CEMIP2: variants seen among roughly 807,000 people sequenced by gnomAD.
The protein encoded by CEMIP2 is cell migration inducing hyaluronidase 2, also known as cell surface hyaluronidase CEMIP2.
In CEMIP2, 79 loss-of-function variants were observed where a neutral mutation model predicts 146.9. That is an observed-to-expected ratio of 0.54 (90% CI 0.45 to 0.65). The LOEUF (loss-of-function observed/expected upper bound fraction) is 0.65. CEMIP2 is among the 30% of genes least tolerant of loss of function. CEMIP2 has a pLI of 0.00. For synonymous variants in CEMIP2, 601 were observed against 606.3 expected (o/e 0.99, Z 0.13); for missense variants, 1,596 against 1,696.2 (o/e 0.94, Z 1.04).
At chr9:71,697,901 T>C (rs1003712827) in intron 20 of CEMIP2, 84 bp downstream of exon 20, 2 of 1,358,880 alleles carry the variant, frequency 1.5e-6, no homozygotes, top group African/African-American at 1.4e-5. Context: ...GCAATATAGA[T>C]GTTTCAAAGA....
chr9:71,758,683 C>A (rs1266335646), intron 1 of CEMIP2, among the ~76,000 whole-genome samples: 1 of 152,162 alleles, frequency 6.6e-6, no homozygotes, highest in Non-Finnish European at 1.5e-5. Context: ...CAAGAGAAAG[C>A]CTGGCTGCAT....
intron 1 of CEMIP2, among the ~76,000 whole-genome samples, chr9:71,757,500 A>G (rs1037358435): frequency 4.0e-4 from 61 of 152,248 alleles, no homozygotes; most frequent in African/African-American, 1.3e-3. Context: ...AAGATCTAAC[A>G]CATTCACTAG....
chr9:71,739,727 C>G (rs753103719), intron 5 of CEMIP2, among the ~76,000 whole-genome samples: 8 of 152,120 alleles, frequency 5.3e-5, no homozygotes, highest in African/African-American at 1.9e-4. Flanking sequence ...TTGAATGCAG[C>G]CCAACACAAA....
intron 1 of CEMIP2, among the ~76,000 whole-genome samples, chr9:71,764,791 C>G (rs1824738635): frequency 6.7e-6 from 1 of 149,798 alleles, no homozygotes; most frequent in Admixed American, 6.7e-5. Context: ...TTCGCCTAGA[C>G]AGCAGCTGCT....
In CEMIP2 at chr9:71,728,164, G is replaced by A. The variant is rs548516720; in HGVS notation, c.2049+1681C>T. 3.8e-4 allele frequency among the ~76,000 whole-genome samples: 54 copies of A among 143,536 alleles called. 4 individuals are homozygous for A. In the South Asian group the frequency reaches 0.011, roughly 30 times the overall value. 94.2% of individuals were successfully genotyped at this position (143,536 alleles called of 152,430 possible). On this transcript the variant is annotated intron_variant, in intron 10 of 23. Coordinates refer to ENST00000377044, the MANE Select transcript of CEMIP2 (RefSeq NM_013390.3). ...GTGGATAGCTTGAGCCCAGGAGTTC[G>A]AGATCTGTCTGGTCAACACAGCGAA...
chr9:71,710,144 G>A lies in CEMIP2; in HGVS notation c.2770-670C>T, dbSNP rs376563014. Among the ~76,000 whole-genome samples the A allele has an allele frequency of 6.6e-5, 10 of 152,248 alleles. 1 individual carries two copies. Among genetic ancestry groups the A allele is most frequent in the East Asian group, 3.9e-4 (2 of 5,190 alleles). Reference sequence around the variant, plus strand: ...CGCTCCTCAATACAGACCAAACTCAGCTCAACAATTTTCACATCCAGTAGA... The same window carrying A: ...CGCTCCTCAATACAGACCAAACTCAACTCAACAATTTTCACATCCAGTAGA... On this transcript the variant is annotated intron_variant, in intron 16 of 23. Coordinates refer to ENST00000377044, the MANE Select transcript of CEMIP2 (RefSeq NM_013390.3).
chr9:71,700,768 G>T lies in CEMIP2; in HGVS notation c.3251C>A (p.Thr1084Asn). 1 of 1,614,016 alleles carries T rather than the reference G, an allele frequency of 6.2e-7. No homozygotes were observed. The highest frequency in any genetic ancestry group is 1.7e-5 in the Admixed American group (1 of 59,966). The change falls in exon 19 of 24, where the codon ACC becomes AAC. Residue 1084 changes from threonine to asparagine, a missense_variant. Thr to Asn is a moderately conservative substitution (Grantham distance 65). Coordinates refer to ENST00000377044, the MANE Select transcript of CEMIP2 (RefSeq NM_013390.3). ...ATTCTGCCGCTGCAAATAGCCAAAG[G>T]TAACTTGAAAACTTGTGTTTGATGG... is the stretch of plus-strand genomic sequence containing the variant. ...CYPSNTSFQVTFGYLQRQNGS... is the reference protein window; with the variant it reads ...CYPSNTSFQVNFGYLQRQNGS...
chr9:71,694,917 C>T (rs1351839100), intron 20 of CEMIP2, among the ~76,000 whole-genome samples: 1 of 152,116 alleles, frequency 6.6e-6, no homozygotes, highest in Non-Finnish European at 1.5e-5. Context: ...TATGGAAAAA[C>T]AGGCACAAAT....
intron 23 of CEMIP2, 61 bp downstream of exon 23, chr9:71,685,682 C>T (rs1202338254): frequency 5.8e-6 from 8 of 1,379,306 alleles, no homozygotes; most frequent in African/African-American, 4.3e-5. Flanking sequence ...CTGAATTGCA[C>T]CATAAAATTA....
At chr9:71,686,128 G>T (rs1822053825) in intron 22 of CEMIP2, 1 of 297,872 alleles carries the variant, frequency 3.4e-6, no homozygotes, top group African/African-American at 2.2e-5. Flanking sequence ...CCATGGATGG[G>T]TACCAGTAGA....
chr9:71,764,169 C>A (rs1824719256), intron 1 of CEMIP2, among the ~76,000 whole-genome samples: 1 of 152,158 alleles, frequency 6.6e-6, no homozygotes, highest in African/African-American at 2.4e-5. Context: ...AAATTTCCAT[C>A]CTGTTTATAG....
intron 8 of CEMIP2, 42 bp from the exon 9 acceptor site, chr9:71,730,295 T>A (rs747254911): frequency 1.3e-6 from 2 of 1,584,168 alleles, no homozygotes; most frequent in East Asian, 2.2e-5. Flanking sequence ...GTAACAAGAA[T>A]GATTGTGATT....
At chr9:71,694,637 G>T (rs370490056) in intron 20 of CEMIP2, 30 bp from the exon 21 acceptor site, 1 of 1,461,228 alleles carries the variant, frequency 6.8e-7, no homozygotes, top group South Asian at 1.1e-5. Flanking sequence ...CATATTTATG[G>T]CAACTCTTAC....
Position 71,685,119 on chromosome 9 carries a change from G to T in CEMIP2, c.*78C>A. 7.3e-7 allele frequency: 1 copy of T among 1,372,090 alleles called. No individual in the cohort carries two copies. Among genetic ancestry groups the T allele is most frequent in the Non-Finnish European group, 9.8e-7 (1 of 1,019,212 alleles). The allele number at this position is 1,372,090 out of a possible 1,614,324, so 85.0% of individuals were successfully genotyped here. A position where few individuals can be genotyped will look rare whatever the true frequency, so the allele number is the denominator to read the frequency against. On this transcript the variant is annotated 3_prime_UTR_variant, in exon 24 of 24. Transcript: ENST00000377044. ...GGAAAATGGTTCCGTTGGGTTAACAGTGTCATTTTAAAATGCCATAAATTA... is the reference window on the plus strand; with the variant it reads ...GGAAAATGGTTCCGTTGGGTTAACATTGTCATTTTAAAATGCCATAAATTA...
At chr9:71,764,291 TATAC>T (rs1426824093) in intron 1 of CEMIP2, among the ~76,000 whole-genome samples, 2 of 151,938 alleles carry the variant, frequency 1.3e-5, no homozygotes, top group Non-Finnish European at 2.9e-5. Context: ...AATGAAAAAA[TATAC>T]ATAGTGTCTG....
In CEMIP2 at chr9:71,724,958, G is replaced by C. The variant is rs1289511458; in HGVS notation, c.2178+623C>G. ...AAGAGGTGAGAAGAAACAAGGGAGA[G>C]GATGAGGACACATGAATCAAATCCA... On this transcript the variant is annotated intron_variant, in intron 11 of 23. Coordinates refer to ENST00000377044, the MANE Select transcript of CEMIP2 (RefSeq NM_013390.3). Among the ~76,000 whole-genome samples the C allele has an allele frequency of 2.6e-5, 4 of 152,090 alleles. 1 individual carries two copies. The highest frequency in any genetic ancestry group is 5.9e-5 in the Non-Finnish European group (4 of 68,010).
chr9:71,764,146 T>A (rs899770775), intron 1 of CEMIP2, among the ~76,000 whole-genome samples: 1 of 152,192 alleles, frequency 6.6e-6, no homozygotes, highest in Non-Finnish European at 1.5e-5. Context: ...AATGTGCACA[T>A]CTACAGTACT....
chr9:71,728,278 T>TATATATAC (rs1823484714), intron 10 of CEMIP2, among the ~76,000 whole-genome samples: 1 of 10,342 alleles, frequency 9.7e-5, no homozygotes. Context: ...TATATATATA[T>TATATATAC]ATGTATATAT....
chr9:71,701,531 C>G (rs538472481), intron 18 of CEMIP2, among the ~76,000 whole-genome samples: 1 of 152,208 alleles, frequency 6.6e-6, no homozygotes, highest in African/African-American at 2.4e-5. Context: ...AAGATAGAAA[C>G]ACTAATATAT....
Sources: allele counts gnomAD v4.1 joint callset (sites outside exome capture counted in the v4.1 genomes callset), GRCh38; gene constraint gnomAD v4.1.1; transcripts MANE v1.5; gene names NCBI Gene and HGNC (gene_info 2026-07-23, HGNC 2026-07-21).